Variants in PRKG1 observed in about 807,000 individuals in gnomAD.
PRKG1 encodes cGMP-dependent protein kinase 1.
PRKG1 carries 35 observed loss-of-function variants against 88.1 expected under a neutral mutation model. The ratio of observed to expected loss-of-function variants is 0.40; its 90% CI spans 0.30 to 0.53. The LOEUF is 0.53. Ranked by LOEUF, PRKG1 falls within the 20% of genes least tolerant of loss-of-function variation. PRKG1 has a pLI of 0.59. For missense variants in PRKG1, 540 were observed against 839.8 expected (o/e 0.64, Z 4.41); for synonymous variants, 303 against 292.5 (o/e 1.04, Z -0.37).
At chr10:51,279,233 A>T (rs1840221630) in intron 2 of PRKG1, among the ~76,000 whole-genome samples, 1 of 152,206 alleles carries the variant, frequency 6.6e-6, no homozygotes, top group Non-Finnish European at 1.5e-5. Flanking sequence ...ATTCAGAAGC[A>T]GGTTGTTCAG....
chr10:51,464,848 G>A (rs968014063), intron 2 of PRKG1, among the ~76,000 whole-genome samples: 3 of 138,806 alleles, frequency 2.2e-5, no homozygotes, highest in Admixed American at 7.7e-5. Flanking sequence ...CCGAGATCCC[G>A]CCACTGCACT....
intron 2 of PRKG1, among the ~76,000 whole-genome samples, chr10:51,331,757 G>A (rs35970474): frequency 0.073 from 11,163 of 152,246 alleles, 485 homozygotes; most frequent in Middle Eastern, 0.12. Context: ...ATGATCACTG[G>A]AGAGTTCCAC....
intron 8 of PRKG1, among the ~76,000 whole-genome samples, chr10:52,140,771 A>G (rs1041198777): frequency 6.6e-5 from 10 of 151,792 alleles, no homozygotes; most frequent in Admixed American, 2.0e-4. Flanking sequence ...CACCACTCTA[A>G]GATCACCAAC....
intron 2 of PRKG1, among the ~76,000 whole-genome samples, chr10:51,325,996 A>T (rs1012193954): frequency 1.3e-5 from 2 of 152,202 alleles, no homozygotes; most frequent in African/African-American, 4.8e-5. Context: ...GACTTTGATG[A>T]GGTGCCAAGC....
At chr10:51,418,926 T>C (rs1169857123) in intron 2 of PRKG1, among the ~76,000 whole-genome samples, 1 of 152,224 alleles carries the variant, frequency 6.6e-6, no homozygotes, top group Non-Finnish European at 1.5e-5. Context: ...GGATTGCAGA[T>C]ACACATAGCA....
At chr10:51,149,893 C>T (rs1215260491) in intron 1 of PRKG1, among the ~76,000 whole-genome samples, 1 of 151,924 alleles carries the variant, frequency 6.6e-6, no homozygotes, top group Non-Finnish European at 1.5e-5. Context: ...AGCCAGACAG[C>T]CAGAATACCA....
chr10:51,711,084 G>A (rs1841737072), intron 3 of PRKG1, among the ~76,000 whole-genome samples: 1 of 152,024 alleles, frequency 6.6e-6, no homozygotes, highest in East Asian at 1.9e-4. Flanking sequence ...TATGTTATTT[G>A]AGAACTTTGC....
intron 1 of PRKG1, among the ~76,000 whole-genome samples, chr10:51,084,214 G>C (rs903675079): frequency 6.6e-6 from 1 of 152,078 alleles, no homozygotes; most frequent in African/African-American, 2.4e-5. Flanking sequence ...AGTGCATTTG[G>C]TTATTGCGCG....
intron 3 of PRKG1, among the ~76,000 whole-genome samples, chr10:51,595,171 A>G (rs181702471): frequency 8.5e-5 from 13 of 152,262 alleles, no homozygotes; most frequent in African/African-American, 3.1e-4. Flanking sequence ...ACATAGTGAG[A>G]TCCCATCTCT....
chr10:51,721,707 T>C (rs555906993), intron 3 of PRKG1, among the ~76,000 whole-genome samples: 36 of 151,436 alleles, frequency 2.4e-4, no homozygotes, highest in Admixed American at 1.4e-3. Context: ...GCCCAGGCAG[T>C]ATAGAGGATA....
At chr10:51,824,446 G>A (rs750324979) in intron 4 of PRKG1, among the ~76,000 whole-genome samples, 1 of 151,932 alleles carries the variant, frequency 6.6e-6, no homozygotes, top group Non-Finnish European at 1.5e-5. Flanking sequence ...ATTGTTGATT[G>A]TTTCTTATCT....
At chr10:51,145,466 G>A (rs1845921671) in intron 1 of PRKG1, among the ~76,000 whole-genome samples, 1 of 152,096 alleles carries the variant, frequency 6.6e-6, no homozygotes, top group Non-Finnish European at 1.5e-5. Context: ...AATGCGTACG[G>A]TCTTATTTAT....
At chr10:51,754,735 A>G (rs1258716271) in intron 3 of PRKG1, among the ~76,000 whole-genome samples, 1 of 152,212 alleles carries the variant, frequency 6.6e-6, no homozygotes, top group Non-Finnish European at 1.5e-5. Context: ...CATTTAAAGG[A>G]AATTGCATCT....
At chr10:51,502,867 C>G in intron 3 of PRKG1, among the ~76,000 whole-genome samples, 1 of 152,148 alleles carries the variant, frequency 6.6e-6, no homozygotes, top group East Asian at 1.9e-4. Context: ...TGCTGATTAT[C>G]AGATCCTGAT....
chr10:51,091,319 A>G (rs74131723), intron 1 of PRKG1, among the ~76,000 whole-genome samples: 3,089 of 152,208 alleles, frequency 0.02, 95 homozygotes, highest in East Asian at 0.14. Context: ...CATCACCACA[A>G]TCCAGTTTTG....
At chr10:52,269,882 A>G (rs889344652) in intron 10 of PRKG1, among the ~76,000 whole-genome samples, 16 of 152,204 alleles carry the variant, frequency 1.1e-4, no homozygotes, top group Admixed American at 9.8e-4. Context: ...TGGAAGATCC[A>G]TGCCTCCTCT....
At chr10:51,225,483 T>C (rs1838668275) in intron 2 of PRKG1, among the ~76,000 whole-genome samples, 1 of 152,210 alleles carries the variant, frequency 6.6e-6, no homozygotes, top group Non-Finnish European at 1.5e-5. Context: ...CAGGAACCCA[T>C]ATTTGTTTGC....
intron 2 of PRKG1, among the ~76,000 whole-genome samples, chr10:51,158,531 GA>G (rs1318230918): frequency 3.3e-5 from 5 of 151,792 alleles, no homozygotes; most frequent in Admixed American, 6.6e-5. Flanking sequence ...AGTTCAAAAA[GA>G]AAAAAAATTC....
At chr10:51,281,234 G>A (rs1318549507) in intron 2 of PRKG1, among the ~76,000 whole-genome samples, 1 of 152,196 alleles carries the variant, frequency 6.6e-6, no homozygotes, top group Non-Finnish European at 1.5e-5. Context: ...CTTCATCTCA[G>A]AGGGGTACCT....
Sources: allele counts gnomAD v4.1 joint callset (sites outside exome capture counted in the v4.1 genomes callset), GRCh38; gene constraint gnomAD v4.1.1; transcripts MANE v1.5; gene names NCBI Gene and HGNC (gene_info 2026-07-23, HGNC 2026-07-21).